FHOD1: variants seen among roughly 807,000 people sequenced by gnomAD.
FHOD1 encodes formin homology 2 domain containing 1, also known as FH1/FH2 domain-containing protein 1.
FHOD1 carries 89 observed loss-of-function variants against 111.6 expected under a neutral mutation model. The observed-to-expected ratio is 0.80, with a 90% CI of 0.67 to 0.95. The LOEUF is 0.95. FHOD1 is among the 40% of genes least tolerant of loss of function. The probability of loss-of-function intolerance (pLI) is 0.00; values close to 1 mark genes in which losing one functional copy is unlikely to be tolerated. For synonymous variants in FHOD1, 618 were observed against 639.0 expected, an observed-to-expected ratio of 0.97 and a Z score of 0.50; for missense variants, 1,446 against 1,554.2, an observed-to-expected ratio of 0.93 and a Z score of 1.17.
In FHOD1 at chr16:67,237,014, C is replaced by A. The variant is rs1401310652; in HGVS notation, c.1094G>T (p.Arg365Leu). The change falls in exon 10 of 22, where the codon CGC becomes CTC. Residue 365 changes from arginine to leucine, a missense_variant. By Grantham distance (102) the Arg-to-Leu change is moderately radical (BLOSUM62 -2). Around this residue, in one of 3 missense-constraint regions of FHOD1, gnomAD observed 1,085 missense variants for 1,108.8 expected, o/e 0.98. Coordinates refer to ENST00000258201, the MANE Select transcript of FHOD1 (RefSeq NM_013241.3). The surrounding 1 kb of genome is among the most constrained non-coding windows in gnomAD (Gnocchi z 5.6). ...KPSSEEGKRS[R>L]RSLEGGGCPA... ...GCAGCCCCCGCCTTCCAGAGAACGG[C>A]GGCTCCTCTTGCCCTCCTCAGAAGA... 1 of 1,610,870 alleles carries A rather than the reference C, an allele frequency of 6.2e-7. No homozygotes were observed.
chr16:67,247,465 T>G lies in FHOD1; in HGVS notation c.-55A>C. The G allele has an allele frequency of 6.3e-7, 1 of 1,576,180 alleles. No homozygotes were observed. The highest frequency in any genetic ancestry group is 1.1e-5 in the South Asian group (1 of 88,284). On this transcript the variant is annotated 5_prime_UTR_variant, in exon 1 of 22. Transcript: ENST00000258201. ...TCCGAGTCCCGGCCCCAGTGCAGCTTCTACTCAAAGCACACTGTAGCTCCG... is the reference window on the plus strand; with the variant it reads ...TCCGAGTCCCGGCCCCAGTGCAGCTGCTACTCAAAGCACACTGTAGCTCCG...
rs1246088901 is a variant in FHOD1, at chr16:67,237,299, C to T, written c.933G>A (p.Gln311=). The change falls in exon 9 of 22, where the codon CAG becomes CAA. Residue 311 remains glutamine (Q), a synonymous_variant. Transcript: ENST00000258201. This position sits in a 1 kb window ranked among gnomAD's most constrained non-coding sequence, Gnocchi z 5.6. ...CAGTGCCCGCAGTGCCCAGGTGGCG[C>T]TGGACCAGCGCTTCCATGCCCTGCT... ...LEQQGMEALV[Q]RHLGTAGTDV... is the part of the protein sequence containing the mutation. 6.2e-7 allele frequency: 1 copy of T among 1,614,038 alleles called. No homozygotes were observed.
chr16:67,236,035 G>A, intron 11 of FHOD1: 1 of 984,884 alleles, frequency 1.0e-6, no homozygotes, highest in Non-Finnish European at 1.2e-6. Context: ...GCCTGCCCAG[G>A]AGGGGACTGG....
At position 67,237,963 on chromosome 16, in the gene FHOD1, C is replaced by T; in HGVS notation, c.642+71G>A. 6.5e-7 allele frequency: 1 copy of T among 1,528,106 alleles called. No homozygotes were observed. The highest frequency in any genetic ancestry group is 9.0e-7 in the Non-Finnish European group (1 of 1,106,634). The allele number at this position is 1,528,106 out of a possible 1,614,324, so 94.7% of individuals were successfully genotyped here. ...ACTCACTCCCTTCCAGCTCACTTTG[C>T]AGAACAGGAAACTGAGGCCCAGAGA... On this transcript the variant is annotated intron_variant, in intron 6 of 21. Transcript: ENST00000258201. The surrounding 1 kb of genome is among the most constrained non-coding windows in gnomAD (Gnocchi z 5.6).
intron 1 of FHOD1, among the ~76,000 whole-genome samples, chr16:67,245,744 TA>T (rs879711188): frequency 1.4e-3 from 198 of 140,428 alleles, no homozygotes; most frequent in Middle Eastern, 7.2e-3. Flanking sequence ...GAATCCGTCT[TA>T]AAAAAAAAAA....
rs1007178559 is a variant in FHOD1 at position 67,235,973 on chromosome 16, C to A, written c.1319+584G>T. On this transcript the variant is annotated intron_variant, in intron 11 of 21. Transcript: ENST00000258201. ...CTGCTGGGGGAAGCAATGCTGAAGC[C>A]CTGAGCACATGGCAGGCCTGGCAGG... is the stretch of plus-strand genomic sequence containing the variant. The A allele has an allele frequency of 4.3e-6, 4 of 933,324 alleles. No homozygotes were observed. In the African/African-American group the frequency reaches 7.9e-5, roughly 19 times the overall value. 57.8% of individuals were successfully genotyped at this position (933,324 alleles called of 1,614,324 possible).
At position 67,233,765 on chromosome 16, in the gene FHOD1, GC is replaced by G. The variant is rs2034366066; in HGVS notation, c.1937del (p.Arg646ProfsTer46). 6.2e-7 allele frequency: 1 copy of G among 1,613,852 alleles called. No homozygotes were observed. Among genetic ancestry groups the G allele is most frequent in the Non-Finnish European group, 8.5e-7 (1 of 1,180,024 alleles). On this transcript the variant is annotated frameshift_variant, in exon 13 of 22. Coordinates refer to ENST00000258201, the MANE Select transcript of FHOD1 (RefSeq NM_013241.3). LOFTEE classifies it high-confidence loss of function. ...LAGGHGVSAS[R>X]FGPCATLWAS... ...CCCAGAGGGTGGCGCAGGGCCCAAA[GC>G]GGCTTGCAGAGACTCCATGGCCCCC...
Position 67,233,803 on chromosome 16 carries a change from G to A in FHOD1, c.1900C>T (p.Leu634=). 1 of 1,613,778 alleles carries A rather than the reference G, an allele frequency of 6.2e-7. No homozygotes were observed. The highest frequency in any genetic ancestry group is 1.3e-5 in the African/African-American group (1 of 75,000). The change falls in exon 13 of 22, where the codon CTG becomes TTG. Residue 634 remains leucine (L), a synonymous_variant. Coordinates refer to ENST00000258201, the MANE Select transcript of FHOD1 (RefSeq NM_013241.3). The part of the protein sequence containing the change: ...RKTVKLFWRE[L]KLAGGHGVSA... ...ACTCCATGGCCCCCAGCCAGCTTCA[G>A]CTCACGCCAGAAAAGTTTTACTGTC... is the stretch of plus-strand genomic sequence containing the variant.
At chr16:67,243,798 T>C (rs1024089105) in intron 1 of FHOD1, among the ~76,000 whole-genome samples, 2 of 152,122 alleles carry the variant, frequency 1.3e-5, no homozygotes, top group Admixed American at 6.5e-5. Context: ...GGAACACCAA[T>C]AGACACACGC....
chr16:67,239,285 A>G (rs1023663554), intron 2 of FHOD1, 63 bp downstream of exon 2: 22 of 1,292,524 alleles, frequency 1.7e-5, no homozygotes, highest in Non-Finnish European at 2.3e-5. Context: ...AGCTGCTGAC[A>G]TTTGAGCTAG....
chr16:67,234,143 T>G lies in FHOD1; in HGVS notation c.1560A>C (p.Ile520=). 1 of 1,565,466 alleles carries G rather than the reference T, an allele frequency of 6.4e-7. No individual in the cohort carries two copies. Among genetic ancestry groups the G allele is most frequent in the Non-Finnish European group, 8.7e-7 (1 of 1,153,230 alleles). Residue 520 remains isoleucine (I), a synonymous_variant, in exon 13 of 22, where the codon ATA becomes ATC. Transcript: ENST00000258201. ...SLAPEPKEPL[I]PASPKAEPIW... is the part of the protein sequence containing the mutation. Reference sequence around the variant, plus strand: ...TGGGCTCAGCCTTGGGGCTTGCTGGTATCAGTGGCTCCTTGGGCTCTGGTG... The same window carrying G: ...TGGGCTCAGCCTTGGGGCTTGCTGGGATCAGTGGCTCCTTGGGCTCTGGTG...
intron 1 of FHOD1, among the ~76,000 whole-genome samples, chr16:67,242,445 A>C (rs538221157): frequency 6.6e-6 from 1 of 152,290 alleles, no homozygotes; most frequent in South Asian, 2.1e-4. Flanking sequence ...AGAGTCAGGC[A>C]AGCAGCAAAG....
Position 67,230,431 on chromosome 16 carries a change from G to A in FHOD1, c.2934C>T (p.His978=). 1 of 1,614,264 alleles carries A rather than the reference G, an allele frequency of 6.2e-7. No individual in the cohort carries two copies. Among genetic ancestry groups the A allele is most frequent in the Non-Finnish European group, 8.5e-7 (1 of 1,180,044 alleles). ...ACTCAAGCGCAAATTCCCGCAGCGT[G>A]TGGCAGAACTGCATGATGCGCACTT... ...AREVRIMQFC[H]TLREFALEYR... Residue 978 remains histidine (H), a synonymous_variant, in exon 19 of 22, where the codon CAC becomes CAT. Coordinates refer to ENST00000258201, the MANE Select transcript of FHOD1 (RefSeq NM_013241.3).
rs935687758 is a variant in FHOD1 at position 67,236,590 on chromosome 16, G to A, written c.1286C>T (p.Ser429Leu). ...GCTCCTCTCGCTGGAGGTGTCAGCT[G>A]AGGGTGCCACAGAGATGGTAGGAAA... The part of the protein sequence containing the change: ...NLFPTISVAP[S>L]ADTSSERSIY... Residue 429 changes from serine to leucine, a missense_variant, in exon 11 of 22, where the codon TCA (serine) becomes TTA (leucine). By Grantham distance (145) the Ser-to-Leu change is moderately radical (BLOSUM62 -2). This residue lies in a region of FHOD1 where 1,085 missense variants were observed against 1,108.8 expected (regional missense o/e 0.98). Coordinates refer to ENST00000258201, the MANE Select transcript of FHOD1 (RefSeq NM_013241.3). 4 of 1,613,774 alleles carry A rather than the reference G, an allele frequency of 2.5e-6. No homozygotes were observed. The East Asian group carries it at 6.7e-5, about 27-fold the overall frequency.
In FHOD1 at chr16:67,229,501, C is replaced by G; in HGVS notation, c.*135G>C. 1 of 757,382 alleles carries G rather than the reference C, an allele frequency of 1.3e-6. No homozygotes were observed. 46.9% of individuals were successfully genotyped at this position (757,382 alleles called of 1,614,324 possible). A position where few individuals can be genotyped will look rare whatever the true frequency, so the allele number is the denominator to read the frequency against. Reference sequence around the variant, plus strand: ...ACACACACACTCACATGCATACACACACGGCTAATACTGCTCAAGGCATGG... The same window carrying G: ...ACACACACACTCACATGCATACACAGACGGCTAATACTGCTCAAGGCATGG... On this transcript the variant is annotated 3_prime_UTR_variant, in exon 22 of 22. Coordinates refer to ENST00000258201, the MANE Select transcript of FHOD1 (RefSeq NM_013241.3).
At chr16:67,236,305 G>C in intron 11 of FHOD1, 1 of 1,190,978 alleles carries the variant, frequency 8.4e-7, no homozygotes, top group Non-Finnish European at 1.1e-6. Context: ...GTGGGCGGGA[G>C]ACATGACAAG....
At position 67,237,252 on chromosome 16, in the gene FHOD1, A is replaced by G. The variant is rs1424821234; in HGVS notation, c.980T>C (p.Leu327Pro). 1.2e-6 allele frequency: 2 copies of G among 1,613,514 alleles called. No homozygotes were observed. The highest frequency in any genetic ancestry group is 1.7e-6 in the Non-Finnish European group (2 of 1,179,836). Reference sequence around the variant, plus strand: ...GGCCCGGCCCACCTCGTAGAGCACAAGCTGCGTGCGCAGGTCGACGTCAGT... The same window carrying G: ...GGCCCGGCCCACCTCGTAGAGCACAGGCTGCGTGCGCAGGTCGACGTCAGT... Reference protein sequence around the residue: ...AGTDVDLRTQLVLYENALKLE... With the variant: ...AGTDVDLRTQPVLYENALKLE... The change falls in exon 9 of 22, where the codon CTT (leucine) becomes CCT (proline). Residue 327 changes from leucine (L) to proline (P), a missense_variant. This residue lies in a region of FHOD1 where 234 missense variants were observed against 327.4 expected (regional missense o/e 0.71). Coordinates refer to ENST00000258201, the MANE Select transcript of FHOD1 (RefSeq NM_013241.3). The surrounding 1 kb of genome is among the most constrained non-coding windows in gnomAD (Gnocchi z 5.6).
chr16:67,230,043 C>T, intron 20 of FHOD1, 23 bp downstream of exon 20: 1 of 1,613,088 alleles, frequency 6.2e-7, no homozygotes, highest in Non-Finnish European at 8.5e-7. Context: ...GAGCCCATTC[C>T]CCACAGCTGC....
Position 67,236,975 on chromosome 16 carries a change from G to C in FHOD1, c.1133C>G (p.Pro378Arg), listed in dbSNP as rs756575045. 4 of 1,589,450 alleles carry C rather than the reference G, an allele frequency of 2.5e-6. No individual in the cohort carries two copies. Among genetic ancestry groups the C allele is most frequent in the South Asian group, 1.1e-5 (1 of 88,060 alleles). The change falls in exon 10 of 22, where the codon CCG becomes CGG. Residue 378 changes from proline (P) to arginine (R), a missense_variant. Transcript: ENST00000258201. ...LEGGGCPARAPEPGPTGPASP... is the reference protein window; with the variant it reads ...LEGGGCPARAREPGPTGPASP... ...AGATGCTCGTACTTACCCAGGTTCC[G>C]GGGCACGCGCGGGGCAGCCCCCGCC...
Sources: gnomAD v4.1 joint callset for allele counts (sites outside exome capture counted in the v4.1 genomes callset) on GRCh38, gnomAD v4.1.1 for gene constraint, gnomAD v4.1.1 regional missense constraint, Gnocchi (gnomAD v3.1) non-coding constraint, MANE v1.5 for transcripts, NCBI Gene and HGNC (gene_info 2026-07-23, HGNC 2026-07-21) for gene names.